The following KITLG variants were observed in gnomAD, a reference collection of about 807,000 sequenced individuals.
The protein encoded by KITLG is c-Kit ligand.
In KITLG, 13 loss-of-function variants were observed where a neutral mutation model predicts 34.1. That is an observed-to-expected ratio of 0.38 (90% confidence interval 0.25 to 0.61). The LOEUF (loss-of-function observed/expected upper bound fraction) is 0.61. Ranked by LOEUF, KITLG falls within the 20% of genes least tolerant of loss-of-function variation. The probability of loss-of-function intolerance (pLI) is 0.60; values close to 1 mark genes in which losing one functional copy is unlikely to be tolerated. For synonymous variants in KITLG, 110 were observed against 104.0 expected, an observed-to-expected ratio of 1.06 and a Z score of -0.35; for missense variants, 292 against 318.9, an observed-to-expected ratio of 0.92 and a Z score of 0.64.
At chr12:88,509,658 C>T (rs1388269195) in intron 6 of KITLG, among the ~76,000 whole-genome samples, 4 of 152,114 alleles carry the variant, frequency 2.6e-5, no homozygotes, top group African/African-American at 4.8e-5. Flanking sequence ...TTGGGGGAAG[C>T]GCCCATAGGT....
intron 3 of KITLG, among the ~76,000 whole-genome samples, chr12:88,526,845 G>C (rs1053490132): frequency 6.6e-6 from 1 of 151,338 alleles, no homozygotes; most frequent in Non-Finnish European, 1.5e-5. Flanking sequence ...ATGTGGAAAG[G>C]TGCCAGATCA....
intron 2 of KITLG, among the ~76,000 whole-genome samples, chr12:88,533,958 A>C (rs1316374097): frequency 1.3e-5 from 2 of 152,122 alleles, no homozygotes; most frequent in African/African-American, 4.8e-5. Context: ...TCAGCTCTGA[A>C]CTGAGGCACT....
chr12:88,534,133 G>C (rs1870214536), intron 2 of KITLG, among the ~76,000 whole-genome samples: 1 of 152,112 alleles, frequency 6.6e-6, no homozygotes, highest in Non-Finnish European at 1.5e-5. Context: ...CTATTTAACA[G>C]ATGAAGAAAC....
In KITLG at chr12:88,514,092, T is replaced by C. The variant is rs542882888; in HGVS notation, c.604+1442A>G. On this transcript the variant is annotated intron_variant, in intron 6 of 9. Coordinates refer to ENST00000644744, the MANE Select transcript of KITLG (RefSeq NM_000899.5). Reference sequence around the variant, plus strand: ...AAACAACGCACTTTTATATTATCCATGAATCAAAGAAGAAATCACAGTTGA... The same window carrying C: ...AAACAACGCACTTTTATATTATCCACGAATCAAAGAAGAAATCACAGTTGA... 1.8e-3 allele frequency among the ~76,000 whole-genome samples: 277 copies of C among 151,772 alleles called. 1 individual carries two copies. Among genetic ancestry groups the C allele is most frequent in the African/African-American group, 6.3e-3 (263 of 41,532 alleles).
intron 1 of KITLG, among the ~76,000 whole-genome samples, chr12:88,573,163 C>A (rs568072486): frequency 6.6e-6 from 1 of 152,182 alleles, no homozygotes; most frequent in East Asian, 1.9e-4. Flanking sequence ...AACATCTCTA[C>A]CCTCCCTTCT....
At chr12:88,533,858 G>A (rs1396715863) in intron 2 of KITLG, among the ~76,000 whole-genome samples, 3 of 151,996 alleles carry the variant, frequency 2.0e-5, no homozygotes, top group Non-Finnish European at 4.4e-5. Flanking sequence ...TTAGGCATGG[G>A]CATAAGTAGT....
rs565543551 is a variant in KITLG, at chr12:88,495,348, C to G, written c.*1871G>C. 1 of 152,120 alleles carries G rather than the reference C, an allele frequency of 6.6e-6. No homozygotes were observed. The highest frequency in any genetic ancestry group is 2.4e-5 in the African/African-American group (1 of 41,526). 9.4% of individuals were successfully genotyped at this position (152,120 alleles called of 1,614,324 possible). ...CTCATATTAATCTGTATCTATTTTC[C>G]TGAAAACAGTCAATGCCACACACTG... On this transcript the variant is annotated 3_prime_UTR_variant, in exon 10 of 10. Coordinates refer to ENST00000644744, the MANE Select transcript of KITLG (RefSeq NM_000899.5).
intron 2 of KITLG, among the ~76,000 whole-genome samples, chr12:88,535,297 G>A (rs368459964): frequency 6.6e-5 from 10 of 152,126 alleles, no homozygotes; most frequent in East Asian, 1.9e-4. Flanking sequence ...TAATTTATTC[G>A]TTAAGCTGAT....
At chr12:88,534,567 A>C in intron 2 of KITLG, 1 of 404,772 alleles carries the variant, frequency 2.5e-6, no homozygotes, top group East Asian at 8.2e-5. Flanking sequence ...GGGTTTTGCT[A>C]TGTTGGCCAG....
intron 1 of KITLG, among the ~76,000 whole-genome samples, chr12:88,548,443 G>A (rs1029328048): frequency 8.1e-6 from 1 of 122,798 alleles, no homozygotes; most frequent in African/African-American, 2.6e-5. Flanking sequence ...ACAAAAGCTA[G>A]ACTACATCAC....
intron 2 of KITLG, among the ~76,000 whole-genome samples, chr12:88,538,594 A>G (rs1262094382): frequency 6.6e-6 from 1 of 152,038 alleles, no homozygotes; most frequent in African/African-American, 2.4e-5. Context: ...AGATTAGAAG[A>G]CCACTAGGAA....
At chr12:88,515,148 G>A (rs1869412938) in intron 6 of KITLG, among the ~76,000 whole-genome samples, 1 of 151,682 alleles carries the variant, frequency 6.6e-6, no homozygotes, top group African/African-American at 2.4e-5. Context: ...TTCCGTTTTT[G>A]TCAGACACAT....
rs1200345538 is a variant in KITLG, at chr12:88,580,409, C to A, written c.-131G>T. On this transcript the variant is annotated 5_prime_UTR_variant, in exon 1 of 10. Transcript: ENST00000644744. ...CGCATTGGGTAGCCCGAGCGCAGCG[C>A]CCTCTCCACTGTCCCTGCTTCCCGC... is the stretch of plus-strand genomic sequence containing the variant. 1.1e-5 allele frequency: 12 copies of A among 1,062,936 alleles called. No individual in the cohort carries two copies. Among genetic ancestry groups the A allele is most frequent in the Non-Finnish European group, 1.7e-5 (12 of 702,006 alleles). The allele number at this position is 1,062,936 out of a possible 1,614,324, so 65.8% of individuals were successfully genotyped here.
chr12:88,562,322 G>C (rs1318777593), intron 1 of KITLG, among the ~76,000 whole-genome samples: 1 of 152,226 alleles, frequency 6.6e-6, no homozygotes, highest in Non-Finnish European at 1.5e-5. Flanking sequence ...CAGAGATGAA[G>C]GCTGGACAAT....
chr12:88,519,414 G>A (rs202077869), intron 3 of KITLG, among the ~76,000 whole-genome samples: 1 of 152,104 alleles, frequency 6.6e-6, no homozygotes, highest in Admixed American at 6.6e-5. Flanking sequence ...AAATGCTGCA[G>A]TGACAAAAAT....
intron 1 of KITLG, among the ~76,000 whole-genome samples, chr12:88,563,185 G>C (rs78099643): frequency 1.3e-5 from 2 of 152,290 alleles, no homozygotes; most frequent in African/African-American, 4.8e-5. Flanking sequence ...CAAAATGCAT[G>C]CAAAGAATAA....
At chr12:88,551,896 T>G (rs149151100) in intron 1 of KITLG, among the ~76,000 whole-genome samples, 1 of 152,108 alleles carries the variant, frequency 6.6e-6, no homozygotes, top group African/African-American at 2.4e-5. Context: ...ATCCCCATGG[T>G]CCTTAAAAAT....
chr12:88,518,426 A>T (rs1182924318), intron 4 of KITLG, among the ~76,000 whole-genome samples: 1 of 152,204 alleles, frequency 6.6e-6, no homozygotes, highest in East Asian at 1.9e-4. Context: ...ATGAAGAATA[A>T]AGATAAAGGC....
intron 6 of KITLG, among the ~76,000 whole-genome samples, chr12:88,511,562 G>C (rs1421093911): frequency 6.6e-6 from 1 of 152,088 alleles, no homozygotes; most frequent in African/African-American, 2.4e-5. Context: ...TGCAAAGAAG[G>C]AGCATCAGAA....
Sources: allele counts gnomAD v4.1 joint callset (sites outside exome capture counted in the v4.1 genomes callset), GRCh38; gene constraint gnomAD v4.1.1; transcripts MANE v1.5; gene names NCBI Gene and HGNC (gene_info 2026-07-23, HGNC 2026-07-21).